Variants in SPECC1 observed in about 807,000 individuals in gnomAD.
SPECC1 encodes the protein cytospin-B.
SPECC1 carries 62 observed loss-of-function variants against 104.1 expected under a neutral mutation model. That is an observed-to-expected ratio of 0.60 (90% CI 0.49 to 0.74). The LOEUF is 0.74. Ranked by LOEUF, SPECC1 falls within the 30% of genes least tolerant of loss-of-function variation. SPECC1 has a pLI of 0.00. For missense variants in SPECC1, 1,306 were observed against 1,310.5 expected, an observed-to-expected ratio of 1.00 and a Z score of 0.05; for synonymous variants, 513 against 501.6, an observed-to-expected ratio of 1.02 and a Z score of -0.30.
rs141995747 is a variant in SPECC1 at position 20,086,017 on chromosome 17, G to A, written c.-21-10614G>A. ...CCCCAAGGAGTGAAGCAAATGAATAGGCCTAGCTAATGTGCCATCTCTCTC... is the reference window on the plus strand; with the variant it reads ...CCCCAAGGAGTGAAGCAAATGAATAAGCCTAGCTAATGTGCCATCTCTCTC... On this transcript the variant is annotated intron_variant, in intron 1 of 14. Coordinates refer to ENST00000395527, the MANE Select transcript of SPECC1 (RefSeq NM_001243439.2). Among the ~76,000 whole-genome samples the A allele has an allele frequency of 1.5e-3, 225 of 152,328 alleles. 1 individual carries two copies. The highest frequency in any genetic ancestry group is 6.8e-3 in the Middle Eastern group (2 of 294).
intron 1 of SPECC1, among the ~76,000 whole-genome samples, chr17:20,046,731 T>C (rs1484924414): frequency 6.6e-6 from 1 of 151,862 alleles, no homozygotes; most frequent in Non-Finnish European, 1.5e-5. Context: ...GTAAGGGAGT[T>C]AACTCACTGC....
At chr17:20,176,537 C>G (rs1015273244) in intron 3 of SPECC1, among the ~76,000 whole-genome samples, 54 of 152,130 alleles carry the variant, frequency 3.5e-4, no homozygotes, top group African/African-American at 1.2e-3. Flanking sequence ...AAAAACAATG[C>G]AGAATTATTT....
chr17:20,037,033 T>C (rs1295806179), intron 1 of SPECC1, among the ~76,000 whole-genome samples: 2 of 152,230 alleles, frequency 1.3e-5, no homozygotes, highest in Non-Finnish European at 2.9e-5. Context: ...TATTGGATTT[T>C]GGCAAATGCT....
intron 4 of SPECC1, among the ~76,000 whole-genome samples, chr17:20,209,050 T>C (rs1210447478): frequency 6.6e-6 from 1 of 152,218 alleles, no homozygotes; most frequent in African/African-American, 2.4e-5. Flanking sequence ...ATCAAGTTTT[T>C]TTCTCCTCTA....
intron 12 of SPECC1, among the ~76,000 whole-genome samples, chr17:20,261,169 A>G (rs1345554748): frequency 6.6e-6 from 1 of 152,130 alleles, no homozygotes; most frequent in East Asian, 1.9e-4. Flanking sequence ...AAAGAATGCT[A>G]TAGTGGGGAT....
intron 3 of SPECC1, among the ~76,000 whole-genome samples, chr17:20,191,910 T>C (rs916260807): frequency 3.3e-5 from 5 of 152,156 alleles, no homozygotes; most frequent in African/African-American, 1.2e-4. Context: ...TCAGGTGTTT[T>C]TCCATTTTTA....
At chr17:20,029,466 C>T (rs9900441) in intron 1 of SPECC1, among the ~76,000 whole-genome samples, 1 of 151,768 alleles carries the variant, frequency 6.6e-6, no homozygotes, top group African/African-American at 2.4e-5. Context: ...GAGATCTGTT[C>T]TTTTTTTTGG....
intron 3 of SPECC1, among the ~76,000 whole-genome samples, chr17:20,163,156 T>A (rs1261851204): frequency 6.6e-6 from 1 of 152,214 alleles, no homozygotes; most frequent in African/African-American, 2.4e-5. Context: ...ATTAAAGAGC[T>A]TCCCCTAATT....
In SPECC1 at chr17:20,170,052, G is replaced by C. The variant is rs149618881; in HGVS notation, c.284-34281G>C. ...CCGTCACAGGACAAAAACACTTATA[G>C]GGCTGTCCTTCCACCAGACCCAGCC... On this transcript the variant is annotated intron_variant, in intron 3 of 14. Transcript: ENST00000395527. Among the ~76,000 whole-genome samples, 6 of 152,340 alleles carry C rather than the reference G, an allele frequency of 3.9e-5. No homozygotes were observed. In the East Asian group the frequency reaches 1.2e-3, roughly 29 times the overall value.
intron 7 of SPECC1, chr17:20,237,312 TTTG>T: frequency 1.1e-5 from 11 of 1,043,772 alleles, no homozygotes; most frequent in African/African-American, 9.5e-5. Flanking sequence ...GTTGTTTTGT[TTTG>T]TTTTTTTTTT....
At chr17:20,128,901 T>A (rs2049457068) in intron 3 of SPECC1, among the ~76,000 whole-genome samples, 1 of 152,162 alleles carries the variant, frequency 6.6e-6, no homozygotes, top group Admixed American at 6.5e-5. Context: ...AATTTAATTT[T>A]TTATTTTTAG....
Position 20,204,676 on chromosome 17 carries a change from C to T in SPECC1, c.627C>T (p.Gly209=). 1.2e-6 allele frequency: 2 copies of T among 1,613,776 alleles called. No homozygotes were observed. Among genetic ancestry groups the T allele is most frequent in the South Asian group, 2.2e-5 (2 of 91,030 alleles). ...ACGCTGAGGGGACTGATGCTTTGGG[C>T]CCAAATGTCGATGGAACATCAGTCT... ...TLNAEGTDAL[G]PNVDGTSVSP... Residue 209 remains glycine (G), a synonymous_variant, in exon 4 of 15, where the codon GGC becomes GGT. Transcript: ENST00000395527.
At position 20,317,493 on chromosome 17, in the gene SPECC1, A is replaced by AAGTGATAAG. The variant is rs1449596608; in HGVS notation, c.*3429_*3437dup. 1 of 182,930 alleles carries AAGTGATAAG rather than the reference A, an allele frequency of 5.5e-6. No individual in the cohort carries two copies. The highest frequency in any genetic ancestry group is 1.2e-5 in the Non-Finnish European group (1 of 86,244). 11.3% of individuals were successfully genotyped at this position (182,930 alleles called of 1,614,324 possible). ...AGGCTGGTCTTGAACTCCTGACCTCAAGTGATAAGCCTGCCTCAACCTCCC... is the reference window on the plus strand; with the variant it reads ...AGGCTGGTCTTGAACTCCTGACCTCAAGTGATAAGAGTGATAAGCCTGCCTCAACCTCCC... On this transcript the variant is annotated 3_prime_UTR_variant, in exon 15 of 15. Coordinates refer to ENST00000395527, the MANE Select transcript of SPECC1 (RefSeq NM_001243439.2).
intron 1 of SPECC1, chr17:20,096,034 G>C (rs2047629327): frequency 6.6e-6 from 1 of 152,158 alleles, no homozygotes; most frequent in Non-Finnish European, 1.5e-5. Flanking sequence ...GCTGTATCTT[G>C]CTGGTTTGAA....
At chr17:20,051,066 CTTTTTCTT>C (rs1567813182) in intron 1 of SPECC1, among the ~76,000 whole-genome samples, 2 of 119,926 alleles carry the variant, frequency 1.7e-5, no homozygotes, top group East Asian at 2.2e-4. Flanking sequence ...TTCTTTCTTT[CTTTTTCTT>C]TCTTTCTTTC....
At chr17:20,088,694 G>A (rs1240560998) in intron 1 of SPECC1, among the ~76,000 whole-genome samples, 3 of 152,150 alleles carry the variant, frequency 2.0e-5, no homozygotes, top group Non-Finnish European at 2.9e-5. Flanking sequence ...CAGGGTAAGG[G>A]GTCAGCGTGG....
intron 1 of SPECC1, among the ~76,000 whole-genome samples, chr17:20,091,405 T>G (rs1327359571): frequency 6.6e-6 from 1 of 152,206 alleles, no homozygotes; most frequent in African/African-American, 2.4e-5. Flanking sequence ...AGGGCTCTCA[T>G]TCTTCCTCTG....
chr17:20,101,917 T>G (rs2152512173), intron 2 of SPECC1, among the ~76,000 whole-genome samples: 1 of 152,370 alleles, frequency 6.6e-6, no homozygotes, highest in East Asian at 1.9e-4. Context: ...TTTCTACATC[T>G]TTGTGGAATT....
chr17:20,314,066 C>T lies in SPECC1; in HGVS notation c.*1C>T. On this transcript the variant is annotated 3_prime_UTR_variant, in exon 15 of 15. Transcript: ENST00000395527. ...AATCTACAAGTACTTTGAGACGTAA[C>T]CCTGGAGGGCCTGGGGCAGCCACCA... The T allele has an allele frequency of 1.2e-6, 2 of 1,613,636 alleles. No individual in the cohort carries two copies. The highest frequency in any genetic ancestry group is 1.7e-6 in the Non-Finnish European group (2 of 1,179,800).
Sources: gnomAD v4.1 joint callset for allele counts (sites outside exome capture counted in the v4.1 genomes callset) on GRCh38, gnomAD v4.1.1 for gene constraint, MANE v1.5 for transcripts, NCBI Gene and HGNC (gene_info 2026-07-23, HGNC 2026-07-21) for gene names.